Variants in FGF13 observed in about 807,000 individuals in gnomAD.
FGF13 encodes fibroblast growth factor homologous factor 2.
In FGF13, 2 loss-of-function variants were observed where a neutral mutation model predicts 19.5. The ratio of observed to expected loss-of-function variants is 0.10; its 90% CI spans 0.04 to 0.32. FGF13 has a LOEUF of 0.32. FGF13 is among the 10% of genes least tolerant of loss of function. FGF13 has a pLI of 1.00. For synonymous variants in FGF13, 72 were observed against 76.9 expected, an observed-to-expected ratio of 0.94 and a Z score of 0.33; for missense variants, 113 against 192.7, an observed-to-expected ratio of 0.59 and a Z score of 2.45.
chrX:138,688,542 G>C (rs1333583730), intron 3 of FGF13, among the ~76,000 whole-genome samples: 1 of 111,034 alleles, frequency 9.0e-6, no homozygotes, highest in Non-Finnish European at 1.9e-5. Flanking sequence ...ACCCTGATTT[G>C]ATAATTACAC....
intron 3 of FGF13, among the ~76,000 whole-genome samples, chrX:138,803,368 A>T (rs963058118): frequency 8.9e-6 from 1 of 112,299 alleles, no homozygotes; most frequent in Admixed American, 9.4e-5. Context: ...CCATTAGCTA[A>T]CAGGGCAGGT....
chrX:139,031,712 CAA>C (rs373666313), intron 1 of FGF13, among the ~76,000 whole-genome samples: 5 of 74,531 alleles, frequency 6.7e-5, no homozygotes, highest in African/African-American at 9.9e-5. Flanking sequence ...AGATCGGGGT[CAA>C]AAAAAAAAAA....
chrX:139,017,655 A>G (rs957599677), intron 1 of FGF13, among the ~76,000 whole-genome samples: 2 of 111,511 alleles, frequency 1.8e-5, no homozygotes, highest in Non-Finnish European at 3.8e-5. Context: ...CTTATCATAC[A>G]GAATGTCTCC....
At chrX:139,085,712 G>A (rs1197044143) in intron 1 of FGF13, among the ~76,000 whole-genome samples, 1 of 111,707 alleles carries the variant, frequency 9.0e-6, no homozygotes. Flanking sequence ...CTGACAAATG[G>A]TACCTACCTA....
At chrX:138,820,649 A>G in intron 3 of FGF13, among the ~76,000 whole-genome samples, 1 of 112,327 alleles carries the variant, frequency 8.9e-6, no homozygotes, top group East Asian at 2.8e-4. Context: ...TTCGTGAGAC[A>G]AATCAACTTA....
rs781668204 is a variant in FGF13 at position 138,754,156 on chromosome X, G to A, written c.218-45228C>T. On this transcript the variant is annotated intron_variant, in intron 3 of 6. Coordinates refer to the FGF13 transcript ENST00000436198. ...ATCTTCTTGTGTTTCTTCTTATCAA[G>A]GAGTGTGCGAAATATATGTAAATGT... is the stretch of plus-strand genomic sequence containing the variant. 1.7e-4 allele frequency among the ~76,000 whole-genome samples: 19 copies of A among 111,856 alleles called. No individual in the cohort carries two copies. The South Asian group carries it at 7.1e-3, about 42-fold the overall frequency.
At chrX:138,781,651 T>C (rs1004808407) in intron 3 of FGF13, among the ~76,000 whole-genome samples, 12 of 111,692 alleles carry the variant, frequency 1.1e-4, no homozygotes, top group Non-Finnish European at 2.3e-4. Context: ...GGATCTGAAA[T>C]TGTGGCAATA....
Position 138,626,369 on chromosome X carries a change from T to C in FGF13, c.*6481A>G, listed in dbSNP as rs537139257. ...ACTTATACTATTCTGTTCTGTTTTG[T>C]TTTATGTGACACAGAGCGTCTACAC... On this transcript the variant is annotated 3_prime_UTR_variant, in exon 5 of 5. Transcript: ENST00000315930. The C allele has an allele frequency of 4.4e-5, 5 of 112,436 alleles. No individual in the cohort carries two copies. The South Asian group carries it at 1.8e-3, about 41-fold the overall frequency. 9.3% of individuals were successfully genotyped at this position (112,436 alleles called of 1,213,427 possible).
At chrX:139,131,380 GGGGTGT>G (rs1279010991) in intron 1 of FGF13, among the ~76,000 whole-genome samples, 1 of 58,705 alleles carries the variant, frequency 1.7e-5, no homozygotes, top group African/African-American at 7.8e-5. Context: ...AGAATATAGA[GGGGTGT>G]GTGTGTGTGT....
chrX:138,807,408 C>T (rs986345083), intron 3 of FGF13, among the ~76,000 whole-genome samples: 1 of 110,747 alleles, frequency 9.0e-6, no homozygotes, highest in African/African-American at 3.3e-5. Flanking sequence ...GATTTTGTCA[C>T]CACCAGGCCT....
chrX:138,987,080 C>T, intron 1 of FGF13, among the ~76,000 whole-genome samples: 1 of 112,038 alleles, frequency 8.9e-6, no homozygotes, highest in South Asian at 3.7e-4. Context: ...ATGGCCCAGC[C>T]ACACTTCAGT....
intron 1 of FGF13, among the ~76,000 whole-genome samples, chrX:138,918,551 C>T (rs1438828689): frequency 9.0e-6 from 1 of 111,292 alleles, no homozygotes; most frequent in Non-Finnish European, 1.9e-5. Flanking sequence ...CTCTTTCATC[C>T]CCACATTTGA....
At chrX:139,042,839 C>T (rs1301377891) in intron 1 of FGF13, among the ~76,000 whole-genome samples, 1 of 111,474 alleles carries the variant, frequency 9.0e-6, no homozygotes, top group Non-Finnish European at 1.9e-5. Context: ...TTAAATGTAT[C>T]GTGGATTCTG....
intron 1 of FGF13, among the ~76,000 whole-genome samples, chrX:138,905,118 G>A (rs1220460460): frequency 3.6e-5 from 4 of 111,082 alleles, no homozygotes; most frequent in Non-Finnish European, 7.5e-5. Flanking sequence ...GTTGAGTGGC[G>A]TAGAATTCCC....
At chrX:138,980,859 CAA>C (rs754999421) in intron 1 of FGF13, among the ~76,000 whole-genome samples, 25 of 110,573 alleles carry the variant, frequency 2.3e-4, no homozygotes, top group African/African-American at 7.2e-4. Context: ...TGAAAGTGAA[CAA>C]AAAAGTCAAA....
At chrX:139,033,027 C>CAAAAAAAAAAAAAAAAAAAAAAAAAA (rs758766077) in intron 1 of FGF13, among the ~76,000 whole-genome samples, 1 of 27,271 alleles carries the variant, frequency 3.7e-5, no homozygotes, top group African/African-American at 1.3e-4. Flanking sequence ...TCTGATTATC[C>CAAAAAAAAAAAAAAAAAAAAAAAAAA]AAAAAAAAAA....
At chrX:138,639,246 T>G (rs1159257085) in intron 3 of FGF13, among the ~76,000 whole-genome samples, 1 of 111,970 alleles carries the variant, frequency 8.9e-6, no homozygotes, top group Non-Finnish European at 1.9e-5. Context: ...CAGAGGAGAC[T>G]AAGTAGATGT....
At position 138,617,286 on chromosome X, in the gene FGF13, A is replaced by T. The variant is rs189725428; in HGVS notation, c.*15564T>A. On this transcript the variant is annotated 3_prime_UTR_variant, in exon 5 of 5. Transcript: ENST00000315930. ...TCCTGATATGCATGATAAAGGGTTT[A>T]AAGATGAAGTGCATTGATGTCTGTA... The T allele has an allele frequency of 1.8e-5, 2 of 112,011 alleles. No individual in the cohort carries two copies. Among genetic ancestry groups the T allele is most frequent in the East Asian group, 5.6e-4 (2 of 3,555 alleles). The allele number at this position is 112,011 out of a possible 1,213,427, so 9.2% of individuals were successfully genotyped here. A position where few individuals can be genotyped will look rare whatever the true frequency, so the allele number is the denominator to read the frequency against.
intron 1 of FGF13, among the ~76,000 whole-genome samples, chrX:138,965,537 T>C (rs1025706983): frequency 1.8e-5 from 2 of 112,312 alleles, no homozygotes; most frequent in African/African-American, 6.5e-5. Flanking sequence ...GAGCAAGTGG[T>C]TTCTTGCATT....
Sources: gnomAD v4.1 joint callset for allele counts (sites outside exome capture counted in the v4.1 genomes callset) on GRCh38, gnomAD v4.1.1 for gene constraint, MANE v1.5 for transcripts, NCBI Gene and HGNC (gene_info 2026-07-23, HGNC 2026-07-21) for gene names.